The following RUNX2 variants were observed in gnomAD, a reference collection of about 807,000 sequenced individuals.
RUNX2 encodes the protein RUNX family transcription factor 2.
A neutral mutation model predicts 51.7 loss-of-function variants in RUNX2; 10 were observed. That is an observed-to-expected ratio of 0.19 (90% confidence interval 0.12 to 0.33). The LOEUF (loss-of-function observed/expected upper bound fraction) is 0.33. RUNX2 is among the 10% of genes least tolerant of loss of function. The probability of loss-of-function intolerance (pLI) is 1.00; values close to 1 mark genes in which losing one functional copy is unlikely to be tolerated. For missense variants in RUNX2, 562 were observed against 691.3 expected (o/e 0.81, Z 2.10); for synonymous variants, 276 against 273.6 (o/e 1.01, Z -0.09).
At chr6:45,420,762 G>A (rs1798163925) in intron 2 of RUNX2, among the ~76,000 whole-genome samples, 4 of 152,200 alleles carry the variant, frequency 2.6e-5, no homozygotes, top group African/African-American at 7.2e-5. Context: ...ATAGCCTCAA[G>A]CGGATTTCCC....
intron 7 of RUNX2, among the ~76,000 whole-genome samples, chr6:45,515,855 G>A (rs961002985): frequency 3.9e-5 from 6 of 152,148 alleles, no homozygotes; most frequent in African/African-American, 1.4e-4. Flanking sequence ...AAATTAACTA[G>A]GCATGCTAAT....
intron 2 of RUNX2, among the ~76,000 whole-genome samples, chr6:45,334,187 C>A (rs1788078722): frequency 2.0e-5 from 3 of 150,932 alleles, no homozygotes. Context: ...CTATGTAAGG[C>A]AAATAATTTT....
chr6:45,369,013 AAAATT>A (rs1795611943), intron 2 of RUNX2, among the ~76,000 whole-genome samples: 1 of 152,118 alleles, frequency 6.6e-6, no homozygotes, highest in African/African-American at 2.4e-5. Context: ...AAAAAAATTA[AAAATT>A]AAATACATAA....
At chr6:45,404,230 A>G (rs1797781218) in intron 2 of RUNX2, among the ~76,000 whole-genome samples, 2 of 140,378 alleles carry the variant, frequency 1.4e-5, no homozygotes, top group South Asian at 4.9e-4. Context: ...ACTGCACTCC[A>G]GCCTGGATGA....
intron 7 of RUNX2, among the ~76,000 whole-genome samples, chr6:45,527,966 G>A: frequency 6.6e-6 from 1 of 152,154 alleles, no homozygotes; most frequent in Non-Finnish European, 1.5e-5. Flanking sequence ...GGGTTTAATG[G>A]ACTCACAGTT....
chr6:45,329,322 C>CTACTTAT (rs1314462305), intron 2 of RUNX2, among the ~76,000 whole-genome samples: 1 of 151,938 alleles, frequency 6.6e-6, no homozygotes, highest in African/African-American at 2.4e-5. Flanking sequence ...CTTATAAATT[C>CTACTTAT]AAACTGTATC....
At chr6:45,349,825 A>G (rs1791650926) in intron 2 of RUNX2, among the ~76,000 whole-genome samples, 1 of 152,250 alleles carries the variant, frequency 6.6e-6, no homozygotes, top group South Asian at 2.1e-4. Flanking sequence ...TCCACTGCAT[A>G]ATCAGTTCAT....
intron 5 of RUNX2, among the ~76,000 whole-genome samples, chr6:45,455,705 A>G (rs1196924878): frequency 6.6e-6 from 1 of 152,192 alleles, no homozygotes. Context: ...GAGCAAGGTA[A>G]AGAGAGACTC....
intron 2 of RUNX2, among the ~76,000 whole-genome samples, chr6:45,402,767 G>C (rs1436693586): frequency 1.3e-5 from 2 of 152,110 alleles, no homozygotes; most frequent in Non-Finnish European, 2.9e-5. Context: ...AGCAACTTTG[G>C]AGGCTGAGGT....
chr6:45,508,690 C>G (rs933474929), intron 6 of RUNX2, among the ~76,000 whole-genome samples: 8 of 152,146 alleles, frequency 5.3e-5, no homozygotes, highest in African/African-American at 1.9e-4. Context: ...CTTACTTTTC[C>G]TAATCTTGGA....
intron 4 of RUNX2, among the ~76,000 whole-genome samples, chr6:45,436,193 G>A (rs541265085): frequency 5.3e-5 from 8 of 151,960 alleles, no homozygotes; most frequent in Admixed American, 3.9e-4. Flanking sequence ...CTGTTTCTTG[G>A]GCACATAGAG....
chr6:45,397,544 TCTGATTATAGCCATCCCA>T, intron 2 of RUNX2, among the ~76,000 whole-genome samples: 1 of 152,242 alleles, frequency 6.6e-6, no homozygotes, highest in South Asian at 2.1e-4. Context: ...TTATTGTCTG[TCTGATTATAGCCATCCCA>T]GTGGGTGTGA....
chr6:45,390,580 G>T (rs1418006256), intron 2 of RUNX2, among the ~76,000 whole-genome samples: 1 of 152,192 alleles, frequency 6.6e-6, no homozygotes, highest in Non-Finnish European at 1.5e-5. Context: ...TGATGGTGTG[G>T]TGAGGGTATA....
Position 45,422,557 on chromosome 6 carries a change from G to T in RUNX2, c.59-36G>T, listed in dbSNP as rs376284424. ...CTCCTCCCCCTCCCCCGGCCACTTC[G>T]CTAACTTGTGGCTGTTGTGATGCGT... is the stretch of plus-strand genomic sequence containing the variant. On this transcript the variant is annotated intron_variant, in intron 2 of 8. Transcript: ENST00000647337. The T allele has an allele frequency of 3.9e-4, 591 of 1,527,560 alleles. 2 individuals are homozygous for T. Among genetic ancestry groups the T allele is most frequent in the Non-Finnish European group, 5.0e-4 (569 of 1,139,196 alleles). The allele number at this position is 1,527,560 out of a possible 1,614,324, so 94.6% of individuals were successfully genotyped here.
chr6:45,440,440 T>C (rs1300953066), intron 5 of RUNX2, among the ~76,000 whole-genome samples: 1 of 152,222 alleles, frequency 6.6e-6, no homozygotes, highest in Non-Finnish European at 1.5e-5. Flanking sequence ...GGAGATCCTC[T>C]AGAACACAGA....
intron 7 of RUNX2, among the ~76,000 whole-genome samples, chr6:45,536,259 C>T (rs540940657): frequency 6.6e-6 from 1 of 152,044 alleles, no homozygotes; most frequent in African/African-American, 2.4e-5. Context: ...CAGTGGGGCA[C>T]AGGTAAGTGG....
Position 45,548,932 on chromosome 6 carries a change from C to T in RUNX2, c.*1627C>T. On this transcript the variant is annotated 3_prime_UTR_variant, in exon 9 of 9. Transcript: ENST00000647337. ...TTTGGGAGTAGGTCCTCTGAAAAGG[C>T]AGCAGGTTCCAGCAGGTAGCTGAGC... The T allele has an allele frequency of 2.6e-6, 1 of 390,764 alleles. No individual in the cohort carries two copies. The highest frequency in any genetic ancestry group is 3.6e-5 in the East Asian group (1 of 27,572). The allele number at this position is 390,764 out of a possible 1,614,324, so 24.2% of individuals were successfully genotyped here.
chr6:45,537,304 A>G (rs771729820), intron 7 of RUNX2, among the ~76,000 whole-genome samples: 1 of 152,166 alleles, frequency 6.6e-6, no homozygotes, highest in South Asian at 2.1e-4. Context: ...ATTGCCCTCC[A>G]GGTAGCCATG....
At chr6:45,334,942 A>T (rs993905697) in intron 2 of RUNX2, among the ~76,000 whole-genome samples, 4 of 151,316 alleles carry the variant, frequency 2.6e-5, no homozygotes, top group African/African-American at 9.7e-5. Flanking sequence ...GTTATTTTCC[A>T]GTTATAAACT....
Sources: gnomAD v4.1 joint callset for allele counts (sites outside exome capture counted in the v4.1 genomes callset) on GRCh38, gnomAD v4.1.1 for gene constraint, MANE v1.5 for transcripts, NCBI Gene and HGNC (gene_info 2026-07-23, HGNC 2026-07-21) for gene names.